TRUB1: variants seen among roughly 807,000 people sequenced by gnomAD.
TRUB1 encodes the protein TruB pseudouridine synthase family member 1.
Under a neutral mutation model 33.9 loss-of-function variants are expected in TRUB1, and 23 were observed. The observed-to-expected ratio is 0.68, with a 90% CI of 0.49 to 0.96. The LOEUF (loss-of-function observed/expected upper bound fraction) is 0.96. Ranked by LOEUF, TRUB1 falls within the 40% of genes least tolerant of loss-of-function variation. The probability of loss-of-function intolerance (pLI) is 0.00; values close to 1 mark genes in which losing one functional copy is unlikely to be tolerated. For missense variants in TRUB1, 378 were observed against 422.2 expected (o/e 0.90, Z 0.92); for synonymous variants, 163 against 165.4 (o/e 0.99, Z 0.11).
intron 6 of TRUB1, among the ~76,000 whole-genome samples, chr10:114,973,927 T>C (rs531704709): frequency 6.6e-6 from 1 of 152,298 alleles, no homozygotes; most frequent in Admixed American, 6.5e-5. Context: ...CCGCTCATGA[T>C]GGCAAAGCTG....
At chr10:114,975,099 T>G (rs2084354054) in intron 7 of TRUB1, 24 bp from the exon 8 acceptor site, 1 of 1,588,482 alleles carries the variant, frequency 6.3e-7, no homozygotes, top group Middle Eastern at 1.7e-4. Flanking sequence ...TTCTGGATTT[T>G]TTTTCTACCT....
rs532761618 is a variant in TRUB1, at chr10:114,948,141, T to C, written c.386-2953T>C. ...GAGTGAGCACAGAACACTTGGGAGATAGAGTAGGAGAGTAGTAATTGTGCA... is the reference window on the plus strand; with the variant it reads ...GAGTGAGCACAGAACACTTGGGAGACAGAGTAGGAGAGTAGTAATTGTGCA... On this transcript the variant is annotated intron_variant, in intron 2 of 7. Transcript: ENST00000298746. 1.6e-4 allele frequency among the ~76,000 whole-genome samples: 25 copies of C among 152,320 alleles called. 1 individual carries two copies. The highest frequency in any genetic ancestry group is 5.8e-4 in the African/African-American group (24 of 41,586).
intron 4 of TRUB1, among the ~76,000 whole-genome samples, chr10:114,961,415 A>G (rs946173254): frequency 6.6e-6 from 1 of 152,212 alleles, no homozygotes; most frequent in Non-Finnish European, 1.5e-5. Flanking sequence ...AAAATTGGTT[A>G]CATGATAGTG....
At position 114,976,602 on chromosome 10, in the gene TRUB1, C is replaced by T. The variant is rs1243421159; in HGVS notation, c.*1223C>T. On this transcript the variant is annotated 3_prime_UTR_variant, in exon 8 of 8. Coordinates refer to ENST00000298746, the MANE Select transcript of TRUB1 (RefSeq NM_139169.5). Reference sequence around the variant, plus strand: ...AAATACAAGTTTTTAGATGTTTATGCTTTGCCTTTCTTTTTAAAGGTGTTT... The same window carrying T: ...AAATACAAGTTTTTAGATGTTTATGTTTTGCCTTTCTTTTTAAAGGTGTTT... 6.6e-6 allele frequency: 1 copy of T among 152,086 alleles called. No individual in the cohort carries two copies. Among genetic ancestry groups the T allele is most frequent in the African/African-American group, 2.4e-5 (1 of 41,446 alleles). The allele number at this position is 152,086 out of a possible 1,614,324, so 9.4% of individuals were successfully genotyped here. A position where few individuals can be genotyped will look rare whatever the true frequency, so the allele number is the denominator to read the frequency against.
intron 2 of TRUB1, among the ~76,000 whole-genome samples, chr10:114,947,891 A>T (rs1047432401): frequency 2.0e-5 from 3 of 152,178 alleles, no homozygotes; most frequent in African/African-American, 7.2e-5. Flanking sequence ...TATCAGCCAG[A>T]TGTTTCAGAT....
Position 114,950,001 on chromosome 10 carries a change from C to T in TRUB1, c.386-1093C>T, listed in dbSNP as rs544893727. Reference sequence around the variant, plus strand: ...GCAACCTCTGCCTCTTGGGTTCAAGCGATTCTCCTGCCTTAGCCTCCCAAG... The same window carrying T: ...GCAACCTCTGCCTCTTGGGTTCAAGTGATTCTCCTGCCTTAGCCTCCCAAG... On this transcript the variant is annotated intron_variant, in intron 2 of 7. Transcript: ENST00000298746. Among the ~76,000 whole-genome samples the T allele has an allele frequency of 4.9e-4, 74 of 149,582 alleles. 1 individual carries two copies. Among genetic ancestry groups the T allele is most frequent in the Non-Finnish European group, 1.3e-4 (9 of 67,770 alleles).
At chr10:114,953,281 A>G (rs144651635) in intron 3 of TRUB1, among the ~76,000 whole-genome samples, 1,566 of 152,314 alleles carry the variant, frequency 0.01, 19 homozygotes, top group Middle Eastern at 0.058. Context: ...TAACATAAAT[A>G]GAATACCACA....
chr10:114,969,155 G>C (rs1276664433), intron 4 of TRUB1, among the ~76,000 whole-genome samples: 1 of 149,680 alleles, frequency 6.7e-6, no homozygotes, highest in Non-Finnish European at 1.5e-5. Flanking sequence ...AACACGGTCA[G>C]GTACAGTGGC....
chr10:114,973,565 A>G (rs2084346323), intron 6 of TRUB1, among the ~76,000 whole-genome samples: 1 of 152,194 alleles, frequency 6.6e-6, no homozygotes, highest in African/African-American at 2.4e-5. Flanking sequence ...GTAAGACTCG[A>G]AGCAGCTAGA....
rs774097513 is a variant in TRUB1 at position 114,976,735 on chromosome 10, G to A, written c.*1356G>A. The A allele has an allele frequency of 2.3e-4, 34 of 149,554 alleles. No individual in the cohort carries two copies. The highest frequency in any genetic ancestry group is 1.2e-4 in the Non-Finnish European group (8 of 67,834). 9.3% of individuals were successfully genotyped at this position (149,554 alleles called of 1,614,324 possible). ...AATGTAAAATGTTATATATGCATCAGTACAGCATTTTCAACATATTGGCAA... is the reference window on the plus strand; with the variant it reads ...AATGTAAAATGTTATATATGCATCAATACAGCATTTTCAACATATTGGCAA... On this transcript the variant is annotated 3_prime_UTR_variant, in exon 8 of 8. Transcript: ENST00000298746.
At chr10:114,959,354 G>A (rs1274147274) in intron 3 of TRUB1, among the ~76,000 whole-genome samples, 1 of 152,080 alleles carries the variant, frequency 6.6e-6, no homozygotes, top group Non-Finnish European at 1.5e-5. Flanking sequence ...GATGACCATG[G>A]AGTCAAGGCT....
At chr10:114,945,665 T>G (rs1307634799) in intron 2 of TRUB1, among the ~76,000 whole-genome samples, 1 of 152,168 alleles carries the variant, frequency 6.6e-6, no homozygotes, top group Non-Finnish European at 1.5e-5. Context: ...TAAAACATCA[T>G]GAGTTTTTTT....
intron 2 of TRUB1, among the ~76,000 whole-genome samples, chr10:114,950,420 A>G (rs889948247): frequency 6.6e-6 from 1 of 152,212 alleles, no homozygotes; most frequent in Non-Finnish European, 1.5e-5. Flanking sequence ...ATATTTCTAT[A>G]CTTACAAAAA....
chr10:114,975,629 T>C lies in TRUB1; in HGVS notation c.*250T>C, dbSNP rs2084357287. 1 of 291,696 alleles carries C rather than the reference T, an allele frequency of 3.4e-6. No individual in the cohort carries two copies. Among genetic ancestry groups the C allele is most frequent in the Non-Finnish European group, 6.3e-6 (1 of 157,782 alleles). 18.1% of individuals were successfully genotyped at this position (291,696 alleles called of 1,614,324 possible). ...ATTTTTTGTATTGTGAAAATATGAATATGATTGGATTCAGAAAAATTAACT... is the reference window on the plus strand; with the variant it reads ...ATTTTTTGTATTGTGAAAATATGAACATGATTGGATTCAGAAAAATTAACT... On this transcript the variant is annotated 3_prime_UTR_variant, in exon 8 of 8. Transcript: ENST00000298746.
intron 1 of TRUB1, among the ~76,000 whole-genome samples, chr10:114,941,460 C>T (rs1420286360): frequency 2.0e-5 from 3 of 152,048 alleles, no homozygotes; most frequent in South Asian, 2.1e-4. Flanking sequence ...ACCTAAGCCT[C>T]CCCAGTAGCA....
intron 3 of TRUB1, 54 bp downstream of exon 3, chr10:114,951,203 G>A: frequency 1.4e-6 from 2 of 1,415,794 alleles, no homozygotes; most frequent in African/African-American, 1.4e-5. Context: ...TGATCTACAT[G>A]TATTGGGTTT....
At chr10:114,947,386 C>T (rs2084215839) in intron 2 of TRUB1, among the ~76,000 whole-genome samples, 1 of 152,152 alleles carries the variant, frequency 6.6e-6, no homozygotes, top group South Asian at 2.1e-4. Context: ...GAAAGGAATA[C>T]ACCTATTTAT....
rs114140678 is a variant in TRUB1 at position 114,961,632 on chromosome 10, G to A, written c.523+1825G>A. On this transcript the variant is annotated intron_variant, in intron 4 of 7. Coordinates refer to ENST00000298746, the MANE Select transcript of TRUB1 (RefSeq NM_139169.5). Reference sequence around the variant, plus strand: ...AGTAAATCATAGAGAAACTAAGAACGTTTTTCAGGCTGTGAAGAGAAGAGC... The same window carrying A: ...AGTAAATCATAGAGAAACTAAGAACATTTTTCAGGCTGTGAAGAGAAGAGC... Among the ~76,000 whole-genome samples, 1,416 of 152,268 alleles carry A rather than the reference G, an allele frequency of 9.3e-3. 23 individuals carry two copies. Among genetic ancestry groups the A allele is most frequent in the African/African-American group, 0.032 (1,335 of 41,550 alleles).
chr10:114,964,688 T>A (rs2084299056), intron 4 of TRUB1, among the ~76,000 whole-genome samples: 1 of 152,228 alleles, frequency 6.6e-6, no homozygotes, highest in African/African-American at 2.4e-5. Flanking sequence ...ATCCACCTTT[T>A]CTTCCTGCAT....
Sources: allele counts gnomAD v4.1 joint callset (sites outside exome capture counted in the v4.1 genomes callset), GRCh38; gene constraint gnomAD v4.1.1; transcripts MANE v1.5; gene names NCBI Gene and HGNC (gene_info 2026-07-23, HGNC 2026-07-21).